The following NMNAT2 variants were observed in gnomAD, a reference collection of about 807,000 sequenced individuals.
NMNAT2 encodes nicotinamide nucleotide adenylyltransferase 2.
In NMNAT2, 11 loss-of-function variants were observed where a neutral mutation model predicts 41.6. The observed-to-expected ratio is 0.26, with a 90% CI of 0.17 to 0.44. The LOEUF (loss-of-function observed/expected upper bound fraction) is 0.44. Among genes scored for constraint, NMNAT2 ranks in the 20% least tolerant of loss-of-function variants. NMNAT2 has a pLI of 1.00. For synonymous variants in NMNAT2, 148 were observed against 151.2 expected, an observed-to-expected ratio of 0.98 and a Z score of 0.16; for missense variants, 288 against 407.7, an observed-to-expected ratio of 0.71 and a Z score of 2.53.
chr1:183,261,604 G>A (rs768701575), intron 8 of NMNAT2, among the ~76,000 whole-genome samples: 27 of 152,190 alleles, frequency 1.8e-4, no homozygotes, highest in Non-Finnish European at 3.7e-4. Context: ...TGAGGCTCCC[G>A]TTAAGTTCAC....
intron 1 of NMNAT2, among the ~76,000 whole-genome samples, chr1:183,339,358 A>G (rs2102343992): frequency 6.6e-6 from 1 of 152,252 alleles, no homozygotes; most frequent in Admixed American, 6.5e-5. Context: ...CAGCCTCCCA[A>G]AGTGCTGGGA....
intron 1 of NMNAT2, among the ~76,000 whole-genome samples, chr1:183,310,213 ATTG>A: frequency 6.6e-6 from 1 of 152,270 alleles, no homozygotes; most frequent in Admixed American, 6.5e-5. Context: ...TGAATTTCTA[ATTG>A]TTCAAAGAAC....
intron 1 of NMNAT2, among the ~76,000 whole-genome samples, chr1:183,373,911 C>T (rs1324236230): frequency 6.6e-6 from 1 of 152,204 alleles, no homozygotes; most frequent in Non-Finnish European, 1.5e-5. Context: ...AGCCACTGCG[C>T]CTGGCCAGTT....
At chr1:183,305,744 G>T (rs1661978847) in intron 1 of NMNAT2, among the ~76,000 whole-genome samples, 1 of 109,548 alleles carries the variant, frequency 9.1e-6, no homozygotes, top group African/African-American at 3.5e-5. Context: ...TTTAAAGAAA[G>T]AGTTTCTCTC....
chr1:183,374,216 CAAG>C (rs1450626039), intron 1 of NMNAT2, among the ~76,000 whole-genome samples: 2 of 152,174 alleles, frequency 1.3e-5, no homozygotes, highest in East Asian at 1.9e-4. Flanking sequence ...TTTATTTTGA[CAAG>C]AAGAATTACC....
Position 183,389,841 on chromosome 1 carries a change from AAAG to A in NMNAT2, c.85+28339_85+28341del, listed in dbSNP as rs1557897807. On this transcript the variant is annotated intron_variant, in intron 1 of 10. Coordinates refer to ENST00000287713, the MANE Select transcript of NMNAT2 (RefSeq NM_015039.4). Reference sequence around the variant, plus strand: ...GAAAGAAAGAAAGAAAGAAAGAAAGAAAGGAAAAAAGAGAAAGAAAGAAAGAAA... The same window carrying A: ...GAAAGAAAGAAAGAAAGAAAGAAAGAGAAAAAAGAGAAAGAAAGAAAGAAA... 1.2e-3 allele frequency among the ~76,000 whole-genome samples: 85 copies of A among 70,426 alleles called. 12 individuals carry two copies. Among genetic ancestry groups the A allele is most frequent in the Non-Finnish European group, 2.2e-3 (72 of 33,106 alleles). The allele number at this position is 70,426 out of a possible 152,430, so 46.2% of individuals were successfully genotyped here.
At chr1:183,310,062 T>C (rs1346145355) in intron 1 of NMNAT2, among the ~76,000 whole-genome samples, 1 of 152,230 alleles carries the variant, frequency 6.6e-6, no homozygotes, top group South Asian at 2.1e-4. Context: ...GTTCTTGGAA[T>C]GTAAAAGATG....
At chr1:183,347,442 C>T (rs1210054536) in intron 1 of NMNAT2, among the ~76,000 whole-genome samples, 1 of 152,012 alleles carries the variant, frequency 6.6e-6, no homozygotes, top group Non-Finnish European at 1.5e-5. Context: ...GGTGACAGAG[C>T]AAGACCCTAT....
At chr1:183,369,608 T>C (rs953582699) in intron 1 of NMNAT2, among the ~76,000 whole-genome samples, 1 of 152,036 alleles carries the variant, frequency 6.6e-6, no homozygotes, top group Non-Finnish European at 1.5e-5. Flanking sequence ...TAAATATTCA[T>C]AGCAATAAAA....
At chr1:183,292,447 G>A (rs1424207603) in intron 3 of NMNAT2, among the ~76,000 whole-genome samples, 2 of 152,240 alleles carry the variant, frequency 1.3e-5, no homozygotes, top group African/African-American at 2.4e-5. Flanking sequence ...GCGGAAGTTA[G>A]TGGGAATGAA....
At chr1:183,320,502 A>G (rs1444926588) in intron 1 of NMNAT2, among the ~76,000 whole-genome samples, 2 of 152,208 alleles carry the variant, frequency 1.3e-5, no homozygotes, top group African/African-American at 4.8e-5. Flanking sequence ...GCTACTCGGG[A>G]GGCTGAGGCA....
chr1:183,264,876 A>G (rs894707518), intron 8 of NMNAT2, among the ~76,000 whole-genome samples: 1 of 150,986 alleles, frequency 6.6e-6, no homozygotes, highest in African/African-American at 2.4e-5. Context: ...GCTGCTGGCT[A>G]CTCCTTTCTG....
At chr1:183,360,063 G>T (rs1361339546) in intron 1 of NMNAT2, among the ~76,000 whole-genome samples, 1 of 152,062 alleles carries the variant, frequency 6.6e-6, no homozygotes, top group East Asian at 1.9e-4. Context: ...ACACACTTGG[G>T]TTCCTTCGAG....
chr1:183,282,780 G>A (rs928176073), intron 7 of NMNAT2: 28 of 152,260 alleles, frequency 1.8e-4, no homozygotes, highest in Admixed American at 1.5e-3. Context: ...CCAGGAAGGC[G>A]GGTGCTCCTT....
At position 183,284,015 on chromosome 1, in the gene NMNAT2, A is replaced by T; in HGVS notation, c.554T>A (p.Val185Glu). The T allele has an allele frequency of 6.2e-7, 1 of 1,613,774 alleles. No homozygotes were observed. Among genetic ancestry groups the T allele is most frequent in the Non-Finnish European group, 8.5e-7 (1 of 1,179,940 alleles). Reference sequence around the variant, plus strand: ...CTCACCAATCTCTTCATACCGCATCACCGTGCCCAGATTGGCATTCTCATC... The same window carrying T: ...CTCACCAATCTCTTCATACCGCATCTCCGTGCCCAGATTGGCATTCTCATC... ...FVDENANLGTVMRYEEIELRI... is the reference protein window; with the variant it reads ...FVDENANLGTEMRYEEIELRI... Residue 185 changes from valine to glutamate, a missense_variant, in exon 7 of 11, where the codon GTG becomes GAG. Physicochemically the swap from Val to Glu is moderately radical, Grantham distance 121. Transcript: ENST00000287713.
intron 1 of NMNAT2, among the ~76,000 whole-genome samples, chr1:183,383,623 TCCA>T (rs1282802346): frequency 6.6e-6 from 1 of 152,214 alleles, no homozygotes; most frequent in Non-Finnish European, 1.5e-5. Flanking sequence ...AAAAATTTCT[TCCA>T]CCAGATACCC....
At chr1:183,405,662 A>G (rs1486807249) in intron 1 of NMNAT2, among the ~76,000 whole-genome samples, 1 of 152,250 alleles carries the variant, frequency 6.6e-6, no homozygotes, top group Non-Finnish European at 1.5e-5. Context: ...TGGAGCTTTC[A>G]ACAGAGCTCT....
chr1:183,298,597 A>G (rs1661766146), intron 1 of NMNAT2, among the ~76,000 whole-genome samples: 1 of 152,230 alleles, frequency 6.6e-6, no homozygotes, highest in Non-Finnish European at 1.5e-5. Context: ...CTTTTCAAGG[A>G]TGCCTTCAAC....
At position 183,249,019 on chromosome 1, in the gene NMNAT2, T is replaced by C. The variant is rs1220867124; in HGVS notation, c.*3622A>G. ...GCCTTTTGCTGTAGTTCAGTTATTA[T>C]TGAGTCTCACTTTCTACTTAATTTG... On this transcript the variant is annotated 3_prime_UTR_variant, in exon 11 of 11. Transcript: ENST00000287713. 1 of 152,084 alleles carries C rather than the reference T, an allele frequency of 6.6e-6. No individual in the cohort carries two copies. Among genetic ancestry groups the C allele is most frequent in the African/African-American group, 2.4e-5 (1 of 41,394 alleles). The allele number at this position is 152,084 out of a possible 1,614,324, so 9.4% of individuals were successfully genotyped here.
Sources: allele counts gnomAD v4.1 joint callset (sites outside exome capture counted in the v4.1 genomes callset), GRCh38; gene constraint gnomAD v4.1.1; transcripts MANE v1.5; gene names NCBI Gene and HGNC (gene_info 2026-07-23, HGNC 2026-07-21).